Variants in AIG1 observed in about 807,000 individuals in gnomAD.
AIG1 encodes the protein androgen induced 1, also known as androgen-induced gene 1 protein.
AIG1 carries 23 observed loss-of-function variants against 31.4 expected under a neutral mutation model. That is an observed-to-expected ratio of 0.73 (90% CI 0.53 to 1.04). The LOEUF is 1.04. AIG1 is among the 50% of genes least tolerant of loss of function. AIG1 has a pLI of 0.00. For synonymous variants in AIG1, 100 were observed against 110.5 expected, an observed-to-expected ratio of 0.90 and a Z score of 0.60; for missense variants, 274 against 295.0, an observed-to-expected ratio of 0.93 and a Z score of 0.52.
intron 1 of AIG1, among the ~76,000 whole-genome samples, chr6:143,073,010 ACCTACTTCTCCCCATTTCCTC>A (rs897054419): frequency 6.6e-6 from 1 of 152,084 alleles, no homozygotes; most frequent in Non-Finnish European, 1.5e-5. Flanking sequence ...ATGTCCTCTG[ACCTACTTCTCCCCATTTCCTC>A]CCCACTTCCC....
Position 143,284,326 on chromosome 6 carries a change from C to T in AIG1, c.515+101C>T. The T allele has an allele frequency of 1.2e-6, 1 of 842,498 alleles. No individual in the cohort carries two copies. Among genetic ancestry groups the T allele is most frequent in the Non-Finnish European group, 1.9e-6 (1 of 525,258 alleles). 52.2% of individuals were successfully genotyped at this position (842,498 alleles called of 1,614,324 possible). A position where few individuals can be genotyped will look rare whatever the true frequency, so the allele number is the denominator to read the frequency against. Reference sequence around the variant, plus strand: ...GGATATAATCACTAACAGATTCACGCTGTGTGCCGCATTTGGTCCAAGACC... The same window carrying T: ...GGATATAATCACTAACAGATTCACGTTGTGTGCCGCATTTGGTCCAAGACC... On this transcript the variant is annotated intron_variant, in intron 4 of 5. Coordinates refer to ENST00000357847, the MANE Select transcript of AIG1 (RefSeq NM_016108.4). This position sits in a 1 kb window ranked among gnomAD's most constrained non-coding sequence, Gnocchi z 4.4.
rs560506893 is a variant in AIG1 at position 143,326,515 on chromosome 6, T to C, written c.516-6767T>C. 1.3e-5 allele frequency among the ~76,000 whole-genome samples: 2 copies of C among 152,130 alleles called. No individual in the cohort carries two copies. Among genetic ancestry groups the C allele is most frequent in the East Asian group, 3.9e-4 (2 of 5,182 alleles). ...TCCAAGGAGAGGTAAAAATAAACAG[T>C]CCCTCACCCCACCGAACTTACACTG... On this transcript the variant is annotated intron_variant, in intron 4 of 5. Transcript: ENST00000357847. The surrounding 1 kb of genome is among the most constrained non-coding windows in gnomAD (Gnocchi z 4.5).
At chr6:143,212,745 C>T (rs542590832) in intron 3 of AIG1, among the ~76,000 whole-genome samples, 7 of 152,220 alleles carry the variant, frequency 4.6e-5, no homozygotes, top group African/African-American at 1.7e-4. Context: ...GGCAGTGAGT[C>T]CCTTGAATTT....
chr6:143,220,577 C>T (rs1792404805), intron 3 of AIG1, among the ~76,000 whole-genome samples: 1 of 152,158 alleles, frequency 6.6e-6, no homozygotes, highest in Admixed American at 6.5e-5. Flanking sequence ...GATTCAAACT[C>T]AAGTTTGACC....
At chr6:143,198,267 C>T (rs967491830) in intron 3 of AIG1, among the ~76,000 whole-genome samples, 6 of 152,048 alleles carry the variant, frequency 3.9e-5, no homozygotes, top group Non-Finnish European at 4.4e-5. Flanking sequence ...TAGGAGGTGG[C>T]GAGGGAAAAT....
intron 2 of AIG1, among the ~76,000 whole-genome samples, chr6:143,138,636 G>A (rs1322492595): frequency 6.6e-6 from 1 of 152,154 alleles, no homozygotes; most frequent in African/African-American, 2.4e-5. Flanking sequence ...GCTCACGCCT[G>A]TAATCCCAGC....
At chr6:143,250,463 T>G (rs1794932954) in intron 3 of AIG1, among the ~76,000 whole-genome samples, 1 of 152,214 alleles carries the variant, frequency 6.6e-6, no homozygotes, top group South Asian at 2.1e-4. Context: ...CCAGAACCTA[T>G]GAAAATAACC....
At position 143,249,323 on chromosome 6, in the gene AIG1, C is replaced by T. The variant is rs6915640; in HGVS notation, c.400-34787C>T. 9.3e-3 allele frequency among the ~76,000 whole-genome samples: 1,422 copies of T among 152,240 alleles called. 16 individuals carry two copies. The highest frequency in any genetic ancestry group is 0.033 in the African/African-American group (1,363 of 41,512). The stretch of plus-strand genomic sequence containing the variant: ...TCAGTTATTAAGTATTCCTCGACGA[C>T]GACGATATTGGATATCCAGGCTGGG... On this transcript the variant is annotated intron_variant, in intron 3 of 5. Transcript: ENST00000357847.
intron 3 of AIG1, among the ~76,000 whole-genome samples, chr6:143,173,743 G>A (rs148838802): frequency 0.015 from 2,229 of 152,286 alleles, 25 homozygotes; most frequent in Non-Finnish European, 0.024. Flanking sequence ...ACTGTGGCCT[G>A]AGAGAGTACT....
intron 3 of AIG1, among the ~76,000 whole-genome samples, chr6:143,217,429 T>C (rs904326923): frequency 6.6e-6 from 1 of 151,176 alleles, no homozygotes; most frequent in Non-Finnish European, 1.5e-5. Flanking sequence ...TATCATTTGT[T>C]GAATTGAATT....
intron 3 of AIG1, chr6:143,188,523 G>A: frequency 1.0e-6 from 1 of 985,328 alleles, no homozygotes; most frequent in South Asian, 4.7e-5. Context: ...TATAACCCTG[G>A]CAAGGCTGAG....
chr6:143,200,982 T>C (rs1412472163), intron 3 of AIG1, among the ~76,000 whole-genome samples: 2 of 152,152 alleles, frequency 1.3e-5, no homozygotes, highest in Non-Finnish European at 2.9e-5. Flanking sequence ...TACTGAAATT[T>C]GGACTCCCAC....
chr6:143,120,596 C>G (rs1050076993), intron 1 of AIG1, among the ~76,000 whole-genome samples: 4 of 152,172 alleles, frequency 2.6e-5, no homozygotes, highest in Non-Finnish European at 5.9e-5. Context: ...ATGGGAAAAC[C>G]TGCCTCCATG....
intron 1 of AIG1, among the ~76,000 whole-genome samples, chr6:143,127,931 A>C (rs1373488997): frequency 6.6e-6 from 1 of 152,050 alleles, no homozygotes; most frequent in Non-Finnish European, 1.5e-5. Flanking sequence ...CAAGTGATCC[A>C]CCTGCCTTGG....
chr6:143,059,865 C>T (rs1157776692), upstream of AIG1, among the ~76,000 whole-genome samples: 1 of 152,170 alleles, frequency 6.6e-6, no homozygotes, highest in East Asian at 1.9e-4. Context: ...GAAAATGTTG[C>T]CCACAGACTG....
At chr6:143,342,303 C>G (rs1777874173), downstream of AIG1, 2 of 684,066 alleles carry the variant, frequency 2.9e-6, no homozygotes, top group Non-Finnish European at 5.4e-6. Context: ...GTGGGCTCCC[C>G]TGGTGCGCAG....
intron 4 of AIG1, among the ~76,000 whole-genome samples, chr6:143,285,202 C>A (rs931510255): frequency 2.0e-5 from 3 of 151,950 alleles, no homozygotes; most frequent in South Asian, 4.2e-4. Context: ...GTACCTGACA[C>A]ACTTTGCATA....
Position 143,187,318 on chromosome 6 carries a change from A to G in AIG1, c.399+22135A>G, listed in dbSNP as rs1169559817. On this transcript the variant is annotated intron_variant, in intron 3 of 5. Coordinates refer to ENST00000357847, the MANE Select transcript of AIG1 (RefSeq NM_016108.4). ...CTGCTAATATTCACACATATGGCAA[A>G]TATGAACTAATCAGACCACAGATAT... 3.0e-6 allele frequency: 4 copies of G among 1,315,536 alleles called. No homozygotes were observed. The East Asian group carries it at 7.5e-5, about 25-fold the overall frequency. 81.5% of individuals were successfully genotyped at this position (1,315,536 alleles called of 1,614,324 possible).
At chr6:143,304,591 T>G (rs1333584898) in intron 4 of AIG1, among the ~76,000 whole-genome samples, 21 of 148,598 alleles carry the variant, frequency 1.4e-4, no homozygotes, top group African/African-American at 2.7e-4. Context: ...TGATCATGGT[T>G]GATAAGCTTT....
Sources: allele counts gnomAD v4.1 joint callset (sites outside exome capture counted in the v4.1 genomes callset), GRCh38; gene constraint gnomAD v4.1.1; non-coding constraint Gnocchi (gnomAD v3.1); transcripts MANE v1.5; gene names NCBI Gene and HGNC (gene_info 2026-07-23, HGNC 2026-07-21).